The following ANO4 variants were observed in gnomAD, a reference collection of about 807,000 sequenced individuals.
ANO4 encodes the protein anoctamin 4.
Under a neutral mutation model 141.9 loss-of-function variants are expected in ANO4, and 69 were observed. That is an observed-to-expected ratio of 0.49 (90% CI 0.40 to 0.59). The LOEUF is 0.59. Ranked by LOEUF, ANO4 falls within the 20% of genes least tolerant of loss-of-function variation. The probability of loss-of-function intolerance (pLI) is 0.00; values close to 1 mark genes in which losing one functional copy is unlikely to be tolerated. For synonymous variants in ANO4, 350 were observed against 394.3 expected (o/e 0.89, Z 1.33); for missense variants, 894 against 1,162.2 (o/e 0.77, Z 3.36).
At chr12:100,768,459 G>T (rs542547225) in intron 3 of ANO4, among the ~76,000 whole-genome samples, 1 of 152,052 alleles carries the variant, frequency 6.6e-6, no homozygotes, top group Non-Finnish European at 1.5e-5. Context: ...TGTTTCTTTG[G>T]GGGGACCAGC....
intron 7 of ANO4, among the ~76,000 whole-genome samples, chr12:100,986,044 T>C (rs945125574): frequency 6.6e-6 from 1 of 152,072 alleles, no homozygotes; most frequent in Non-Finnish European, 1.5e-5. Context: ...TGCAGGTGGG[T>C]GCCATCCAAC....
rs144012750 is a variant in ANO4 at position 101,121,974 on chromosome 12, C to T, written c.2676+1349C>T. On this transcript the variant is annotated intron_variant, in intron 26 of 27. Coordinates refer to ENST00000392977, the MANE Select transcript of ANO4 (RefSeq NM_001286615.2). Reference sequence around the variant, plus strand: ...ACGGGGTTTCACTGTCTTGGCCAGGCTGGTCTTAACCTGACCTCATGATCC... The same window carrying T: ...ACGGGGTTTCACTGTCTTGGCCAGGTTGGTCTTAACCTGACCTCATGATCC... Among the ~76,000 whole-genome samples, 79 of 152,142 alleles carry T rather than the reference C, an allele frequency of 5.2e-4. No homozygotes were observed. In the East Asian group the frequency reaches 0.014, roughly 26 times the overall value.
chr12:101,080,883 T>TATA lies in ANO4; in HGVS notation c.1395+1608_1395+1609insATA, dbSNP rs1491584060. On this transcript the variant is annotated intron_variant, in intron 15 of 27. Transcript: ENST00000392977. ...GGTTCTAGATATATATATATATATA[T>TATA]TATATATATATATATATACATACAC... 2.1e-3 allele frequency among the ~76,000 whole-genome samples: 153 copies of TATA among 74,098 alleles called. 1 individual carries two copies. Among genetic ancestry groups the TATA allele is most frequent in the African/African-American group, 5.6e-3 (144 of 25,646 alleles). 48.6% of individuals were successfully genotyped at this position (74,098 alleles called of 152,430 possible).
intron 3 of ANO4, among the ~76,000 whole-genome samples, chr12:100,742,397 TAC>T (rs2031909164): frequency 2.0e-5 from 3 of 152,150 alleles, no homozygotes; most frequent in Admixed American, 1.3e-4. Context: ...GTTTAAAAAA[TAC>T]AGTTTTATTA....
rs181949676 is a variant in ANO4 at position 100,966,042 on chromosome 12, T to C, written c.457-5264T>C. On this transcript the variant is annotated intron_variant, in intron 5 of 27. Coordinates refer to ENST00000392977, the MANE Select transcript of ANO4 (RefSeq NM_001286615.2). ...AACCTGCAGGAAACCCTGAAGATACTGAGGGAAAAAAGACAGGAATTGGGT... is the reference window on the plus strand; with the variant it reads ...AACCTGCAGGAAACCCTGAAGATACCGAGGGAAAAAAGACAGGAATTGGGT... Among the ~76,000 whole-genome samples, 76 of 152,168 alleles carry C rather than the reference T, an allele frequency of 5.0e-4. No homozygotes were observed. The East Asian group carries it at 7.0e-3, about 14-fold the overall frequency.
At chr12:100,751,924 G>A (rs564311441) in intron 3 of ANO4, among the ~76,000 whole-genome samples, 84 of 152,300 alleles carry the variant, frequency 5.5e-4, no homozygotes, top group Non-Finnish European at 9.3e-4. Flanking sequence ...TGGAGCTGGT[G>A]AAGATATAGT....
intron 6 of ANO4, among the ~76,000 whole-genome samples, chr12:100,973,636 G>A (rs1187753758): frequency 2.6e-5 from 4 of 152,104 alleles, no homozygotes; most frequent in African/African-American, 4.8e-5. Flanking sequence ...CCAGCCTACA[G>A]TTTCTTTATT....
At chr12:100,855,342 A>AAAAT (rs1481657497) in intron 1 of ANO4, among the ~76,000 whole-genome samples, 1 of 152,192 alleles carries the variant, frequency 6.6e-6, no homozygotes, top group African/African-American at 2.4e-5. Context: ...AGGCTTATAA[A>AAAAT]AAATAGAAAA....
intron 1 of ANO4, among the ~76,000 whole-genome samples, chr12:100,837,987 G>A (rs2037031231): frequency 6.6e-6 from 1 of 152,082 alleles, no homozygotes; most frequent in South Asian, 2.1e-4. Flanking sequence ...CTCAGCATGA[G>A]TGAGCCTTGA....
At chr12:100,841,638 C>T (rs1024851212) in intron 1 of ANO4, among the ~76,000 whole-genome samples, 12 of 152,090 alleles carry the variant, frequency 7.9e-5, no homozygotes, top group Non-Finnish European at 1.2e-4. Context: ...CCAGGGTGAA[C>T]GGTAGTCCAG....
chr12:101,079,583 A>C (rs1203928793), intron 15 of ANO4, among the ~76,000 whole-genome samples: 1 of 151,908 alleles, frequency 6.6e-6, no homozygotes, highest in Non-Finnish European at 1.5e-5. Context: ...TTTTTCTCTA[A>C]CTTCAGCAGA....
chr12:100,929,474 G>A (rs2042005024), intron 3 of ANO4, among the ~76,000 whole-genome samples: 1 of 152,198 alleles, frequency 6.6e-6, no homozygotes, highest in Non-Finnish European at 1.5e-5. Flanking sequence ...GAATAGTACT[G>A]CATTGTGTAT....
In ANO4 at chr12:101,068,232, G is replaced by A. The variant is rs150899261; in HGVS notation, c.1313-10961G>A. On this transcript the variant is annotated intron_variant, in intron 14 of 27. Coordinates refer to ENST00000392977, the MANE Select transcript of ANO4 (RefSeq NM_001286615.2). ...CCAGCAAGAGTAGAACGAGGCACCA[G>A]CTAGAAAACATCGCTTCTGGGACAA... 4.6e-4 allele frequency: 648 copies of A among 1,395,594 alleles called. No homozygotes were observed. In the African/African-American group the frequency reaches 8.4e-3, roughly 18 times the overall value. The allele number at this position is 1,395,594 out of a possible 1,614,324, so 86.5% of individuals were successfully genotyped here.
At chr12:100,827,429 C>A (rs956729470) in intron 1 of ANO4, among the ~76,000 whole-genome samples, 2 of 151,918 alleles carry the variant, frequency 1.3e-5, no homozygotes, top group Admixed American at 1.3e-4. Flanking sequence ...AGAAATACCC[C>A]CCCATAACAG....
At chr12:100,915,422 G>A (rs750785873) in intron 2 of ANO4, among the ~76,000 whole-genome samples, 1 of 152,142 alleles carries the variant, frequency 6.6e-6, no homozygotes, top group Non-Finnish European at 1.5e-5. Flanking sequence ...CAGAAGCTCA[G>A]CTCTAGCAAC....
At chr12:100,766,587 A>G (rs889112611) in intron 3 of ANO4, among the ~76,000 whole-genome samples, 16 of 151,998 alleles carry the variant, frequency 1.1e-4, no homozygotes, top group African/African-American at 3.6e-4. Flanking sequence ...TTTTTATACT[A>G]TTGTGGTATA....
intron 4 of ANO4, 93 bp from the exon 5 acceptor site, chr12:100,942,284 A>G: frequency 2.7e-6 from 4 of 1,461,888 alleles, no homozygotes; most frequent in East Asian, 4.6e-5. Flanking sequence ...CGAACTGAAA[A>G]AAGTTATTTA....
At chr12:100,871,581 A>T (rs1401173716) in intron 1 of ANO4, among the ~76,000 whole-genome samples, 1 of 152,202 alleles carries the variant, frequency 6.6e-6, no homozygotes, top group Non-Finnish European at 1.5e-5. Context: ...ACTGTTAATT[A>T]TTCACCATTC....
At chr12:100,818,736 C>G (rs187517366) in intron 1 of ANO4, among the ~76,000 whole-genome samples, 1 of 151,858 alleles carries the variant, frequency 6.6e-6, no homozygotes, top group Admixed American at 6.6e-5. Context: ...TAGTTCTCAA[C>G]AAATCGTGAT....
Sources: allele counts gnomAD v4.1 joint callset (sites outside exome capture counted in the v4.1 genomes callset), GRCh38; gene constraint gnomAD v4.1.1; transcripts MANE v1.5; gene names NCBI Gene and HGNC (gene_info 2026-07-23, HGNC 2026-07-21).